PDE5A: variants seen among roughly 807,000 people sequenced by gnomAD.
PDE5A encodes cGMP-specific 3',5'-cyclic phosphodiesterase.
PDE5A carries 67 observed loss-of-function variants against 110.2 expected under a neutral mutation model. The ratio of observed to expected loss-of-function variants is 0.61; its 90% confidence interval spans 0.50 to 0.75. The LOEUF (loss-of-function observed/expected upper bound fraction) is 0.75. PDE5A is among the 30% of genes least tolerant of loss of function. PDE5A has a pLI of 0.00. For missense variants in PDE5A, 862 were observed against 1,045.1 expected (o/e 0.82, Z 2.42); for synonymous variants, 328 against 351.2 (o/e 0.93, Z 0.74).
At chr4:119,530,470 A>C (rs1294315873) in intron 11 of PDE5A, among the ~76,000 whole-genome samples, 1 of 152,170 alleles carries the variant, frequency 6.6e-6, no homozygotes, top group African/African-American at 2.4e-5. Context: ...TGGAGCACCA[A>C]GAAATGAAAT....
intron 1 of PDE5A, among the ~76,000 whole-genome samples, chr4:119,618,045 T>C (rs376330397): frequency 1.3e-5 from 2 of 152,130 alleles, no homozygotes; most frequent in African/African-American, 4.8e-5. Flanking sequence ...CTTGCATTAA[T>C]ATTGACACTG....
intron 9 of PDE5A, among the ~76,000 whole-genome samples, chr4:119,544,091 G>C (rs62319606): frequency 0.1 from 15,620 of 152,144 alleles, 1,035 homozygotes; most frequent in Non-Finnish European, 0.15. Flanking sequence ...GACTATAATA[G>C]TCTATTATCC....
intron 11 of PDE5A, among the ~76,000 whole-genome samples, chr4:119,531,734 C>G (rs1726550191): frequency 6.6e-6 from 1 of 151,832 alleles, no homozygotes; most frequent in African/African-American, 2.4e-5. Context: ...TGAGCAATAA[C>G]TAATACTTAA....
chr4:119,588,037 A>G (rs1362751620), intron 3 of PDE5A, among the ~76,000 whole-genome samples: 1 of 152,104 alleles, frequency 6.6e-6, no homozygotes, highest in Non-Finnish European at 1.5e-5. Flanking sequence ...CTCCCCAGGG[A>G]TTTCTCTAGC....
chr4:119,590,688 C>A (rs1728934557), intron 3 of PDE5A, among the ~76,000 whole-genome samples: 1 of 152,138 alleles, frequency 6.6e-6, no homozygotes, highest in African/African-American at 2.4e-5. Flanking sequence ...GAAAAGAACT[C>A]CCAAACATTT....
At chr4:119,518,946 G>T in intron 14 of PDE5A, 99 bp downstream of exon 14, 2 of 715,924 alleles carry the variant, frequency 2.8e-6, no homozygotes, top group Non-Finnish European at 2.5e-6. Flanking sequence ...AGTATGTTAT[G>T]GGACCTTGAC....
chr4:119,614,320 A>T (rs1280431765), intron 1 of PDE5A, among the ~76,000 whole-genome samples: 1 of 152,212 alleles, frequency 6.6e-6, no homozygotes, highest in Non-Finnish European at 1.5e-5. Flanking sequence ...AATAAAAAAG[A>T]CAACCTGCTA....
At chr4:119,584,562 A>T (rs1036541086) in intron 3 of PDE5A, among the ~76,000 whole-genome samples, 1 of 152,238 alleles carries the variant, frequency 6.6e-6, no homozygotes, top group Non-Finnish European at 1.5e-5. Context: ...GAAGTTAATT[A>T]TCAAAATATA....
At chr4:119,553,242 C>A (rs369574997) in intron 8 of PDE5A, among the ~76,000 whole-genome samples, 2 of 152,166 alleles carry the variant, frequency 1.3e-5, no homozygotes, top group African/African-American at 4.8e-5. Context: ...AAACAGACAT[C>A]CATTTTCCCA....
chr4:119,560,008 C>A (rs546742728), intron 7 of PDE5A, among the ~76,000 whole-genome samples: 1 of 152,236 alleles, frequency 6.6e-6, no homozygotes, highest in Non-Finnish European at 1.5e-5. Context: ...TCCTAAAATC[C>A]TTTAATAGGA....
chr4:119,584,734 C>T (rs1283335170), intron 3 of PDE5A, among the ~76,000 whole-genome samples: 1 of 152,138 alleles, frequency 6.6e-6, no homozygotes, highest in Non-Finnish European at 1.5e-5. Flanking sequence ...TTGATCTTGC[C>T]TCTGTCTACC....
chr4:119,581,729 T>C (rs1208817977), intron 3 of PDE5A, among the ~76,000 whole-genome samples: 1 of 152,196 alleles, frequency 6.6e-6, no homozygotes, highest in Admixed American at 6.5e-5. Flanking sequence ...CTCAGAGATA[T>C]TGTGGGTTTG....
intron 19 of PDE5A, 152 bp downstream of exon 19, chr4:119,502,429 A>C (rs1397783973): frequency 2.1e-5 from 11 of 528,002 alleles, no homozygotes; most frequent in Non-Finnish European, 3.3e-5. Context: ...TCTGTAATGA[A>C]CATGTATAAT....
chr4:119,598,695 A>C (rs1055845926), intron 2 of PDE5A, among the ~76,000 whole-genome samples: 5 of 152,204 alleles, frequency 3.3e-5, no homozygotes, highest in Non-Finnish European at 5.9e-5. Context: ...TTGCCATTCA[A>C]CATTCTGGCT....
Position 119,497,175 on chromosome 4 carries a change from C to T in PDE5A, c.*1426G>A, listed in dbSNP as rs994069187. ...AGTGATAGAAACTCAGATCAAATAT[C>T]TTTTTTGTGGGTTGGAGGTAGAAGT... On this transcript the variant is annotated 3_prime_UTR_variant, in exon 21 of 21. Coordinates refer to ENST00000354960, the MANE Select transcript of PDE5A (RefSeq NM_001083.4). 1 of 152,022 alleles carries T rather than the reference C, an allele frequency of 6.6e-6. No individual in the cohort carries two copies. The highest frequency in any genetic ancestry group is 2.4e-5 in the African/African-American group (1 of 41,408). The allele number at this position is 152,022 out of a possible 1,614,324, so 9.4% of individuals were successfully genotyped here. A position where few individuals can be genotyped will look rare whatever the true frequency, so the allele number is the denominator to read the frequency against.
At chr4:119,569,398 TA>T (rs1306383615) in intron 3 of PDE5A, among the ~76,000 whole-genome samples, 1 of 152,046 alleles carries the variant, frequency 6.6e-6, no homozygotes, top group Non-Finnish European at 1.5e-5. Context: ...TGTATTGTAT[TA>T]GGGGTAATAG....
At chr4:119,514,461 C>T (rs905170200) in intron 14 of PDE5A, among the ~76,000 whole-genome samples, 1 of 145,922 alleles carries the variant, frequency 6.9e-6, no homozygotes, top group Non-Finnish European at 1.5e-5. Context: ...ATCACTATTG[C>T]TTTCTTCTCC....
In PDE5A at chr4:119,496,177, A is replaced by T. The variant is rs1396173074; in HGVS notation, c.*2424T>A. ...TGGCTAAAAATTGTAATTAAATGGTATGTTACTCTGTTATAACTAAACAAA... is the reference window on the plus strand; with the variant it reads ...TGGCTAAAAATTGTAATTAAATGGTTTGTTACTCTGTTATAACTAAACAAA... On this transcript the variant is annotated 3_prime_UTR_variant, in exon 21 of 21. Transcript: ENST00000354960. The T allele has an allele frequency of 6.6e-6, 1 of 152,132 alleles. No homozygotes were observed. Among genetic ancestry groups the T allele is most frequent in the East Asian group, 1.9e-4 (1 of 5,188 alleles). The allele number at this position is 152,132 out of a possible 1,614,324, so 9.4% of individuals were successfully genotyped here.
chr4:119,555,045 C>T (rs1727489925), intron 7 of PDE5A, among the ~76,000 whole-genome samples: 2 of 152,198 alleles, frequency 1.3e-5, no homozygotes, highest in Admixed American at 1.3e-4. Flanking sequence ...TCCCACCCAA[C>T]CTGACCCAGC....
Sources: allele counts gnomAD v4.1 joint callset (sites outside exome capture counted in the v4.1 genomes callset), GRCh38; gene constraint gnomAD v4.1.1; transcripts MANE v1.5; gene names NCBI Gene and HGNC (gene_info 2026-07-23, HGNC 2026-07-21).